The following BRINP3 variants were observed in gnomAD, a reference collection of about 807,000 sequenced individuals.
The protein encoded by BRINP3 is BMP/retinoic acid inducible neural specific 3.
A neutral mutation model predicts 71.0 loss-of-function variants in BRINP3; 19 were observed. That is an observed-to-expected ratio of 0.27 (90% CI 0.19 to 0.39). The LOEUF is 0.39. Ranked by LOEUF, BRINP3 falls within the 10% of genes least tolerant of loss-of-function variation. The pLI, the probability that BRINP3 is intolerant of heterozygous loss-of-function variation, is 1.00. For synonymous variants in BRINP3, 380 were observed against 337.7 expected, an observed-to-expected ratio of 1.13 and a Z score of -1.37; for missense variants, 959 against 940.8, an observed-to-expected ratio of 1.02 and a Z score of -0.25.
At chr1:190,125,910 A>G (rs1039512457) in intron 7 of BRINP3, among the ~76,000 whole-genome samples, 3 of 152,002 alleles carry the variant, frequency 2.0e-5, no homozygotes, top group Non-Finnish European at 4.4e-5. Context: ...GAGTTACTGT[A>G]GTGATAGCTG....
At chr1:190,253,230 A>G (rs1660314648) in intron 4 of BRINP3, among the ~76,000 whole-genome samples, 1 of 152,164 alleles carries the variant, frequency 6.6e-6, no homozygotes. Flanking sequence ...TAGGGCCTCA[A>G]TAAACACGTG....
chr1:190,194,683 C>T (rs1177892102), intron 6 of BRINP3, among the ~76,000 whole-genome samples: 2 of 151,992 alleles, frequency 1.3e-5, no homozygotes, highest in Non-Finnish European at 2.9e-5. Flanking sequence ...GGATAAGCCA[C>T]TTGAGCACCT....
rs867520463 is a variant in BRINP3 at position 190,098,756 on chromosome 1, G to A, written c.1563C>T (p.Leu521=). 1 of 1,614,186 alleles carries A rather than the reference G, an allele frequency of 6.2e-7. No homozygotes were observed. Among genetic ancestry groups the A allele is most frequent in the Non-Finnish European group, 8.5e-7 (1 of 1,180,038 alleles). The change falls in exon 8 of 8, where the codon CTC becomes CTT. Residue 521 remains leucine, a synonymous_variant. Transcript: ENST00000367462. ...HAIFISNDMR[L]NSWFDPSWRK... is the part of the protein sequence containing the mutation. ...GCCAGGAGGGATCAAACCAGCTATT[G>A]AGGCGCATGTCATTGCTGATAAAAA...
intron 5 of BRINP3, among the ~76,000 whole-genome samples, chr1:190,230,122 A>G (rs1657822102): frequency 1.3e-5 from 2 of 152,000 alleles, no homozygotes; most frequent in Admixed American, 1.3e-4. Flanking sequence ...TTTAAAAGGA[A>G]TAAAAGGGCA....
chr1:190,439,251 G>T (rs562608697), intron 2 of BRINP3, among the ~76,000 whole-genome samples: 1 of 151,866 alleles, frequency 6.6e-6, no homozygotes, highest in South Asian at 2.1e-4. Flanking sequence ...TAGGCATAAT[G>T]TTCATATGAA....
chr1:190,476,036 G>T (rs994274814), intron 1 of BRINP3: 1 of 151,800 alleles, frequency 6.6e-6, no homozygotes, highest in East Asian at 2.0e-4. Context: ...GGTGAGGGGC[G>T]CCAAGTGGTG....
intron 2 of BRINP3, among the ~76,000 whole-genome samples, chr1:190,358,647 C>A (rs1455281378): frequency 1.3e-5 from 2 of 152,082 alleles, no homozygotes; most frequent in Non-Finnish European, 2.9e-5. Flanking sequence ...TTTGACCCAG[C>A]CATCCCATTA....
At chr1:190,375,250 T>C (rs1406696456) in intron 2 of BRINP3, among the ~76,000 whole-genome samples, 1 of 151,796 alleles carries the variant, frequency 6.6e-6, no homozygotes, top group Non-Finnish European at 1.5e-5. Flanking sequence ...AAATCATACA[T>C]GTTTGTATAT....
At chr1:190,184,560 G>C (rs920534658) in intron 6 of BRINP3, among the ~76,000 whole-genome samples, 1 of 152,114 alleles carries the variant, frequency 6.6e-6, no homozygotes, top group Admixed American at 6.6e-5. Context: ...CATAAAAATA[G>C]CAAAATCATT....
chr1:190,180,286 A>G (rs184379491), intron 6 of BRINP3, among the ~76,000 whole-genome samples: 2 of 152,234 alleles, frequency 1.3e-5, no homozygotes, highest in East Asian at 1.9e-4. Flanking sequence ...CAGTTTCACA[A>G]CCTAGAGGTG....
chr1:190,253,723 G>A (rs1468625491), intron 4 of BRINP3, among the ~76,000 whole-genome samples: 6 of 152,136 alleles, frequency 3.9e-5, no homozygotes, highest in African/African-American at 1.4e-4. Flanking sequence ...CCATTCTGTA[G>A]GTTGTCTGTT....
At chr1:190,130,521 G>A (rs1263420430) in intron 7 of BRINP3, among the ~76,000 whole-genome samples, 1 of 151,938 alleles carries the variant, frequency 6.6e-6, no homozygotes, top group Non-Finnish European at 1.5e-5. Flanking sequence ...GAGTCCTTCT[G>A]CCTCCTGTCC....
At chr1:190,313,854 C>T (rs1420855771) in intron 2 of BRINP3, among the ~76,000 whole-genome samples, 1 of 151,980 alleles carries the variant, frequency 6.6e-6, no homozygotes, top group Non-Finnish European at 1.5e-5. Context: ...TTGTCCTCCT[C>T]TTATGTGGAT....
At chr1:190,168,331 A>G (rs1433343490) in intron 6 of BRINP3, among the ~76,000 whole-genome samples, 6 of 152,162 alleles carry the variant, frequency 3.9e-5, no homozygotes, top group African/African-American at 1.4e-4. Context: ...GAATCATTTC[A>G]AAGACCACAT....
chr1:190,335,597 C>G (rs986852897), intron 2 of BRINP3, among the ~76,000 whole-genome samples: 2 of 151,588 alleles, frequency 1.3e-5, no homozygotes, highest in Non-Finnish European at 1.5e-5. Context: ...AAAATCTTAA[C>G]CCCAAATGGA....
At chr1:190,312,438 C>T (rs1665599810) in intron 2 of BRINP3, among the ~76,000 whole-genome samples, 1 of 151,462 alleles carries the variant, frequency 6.6e-6, no homozygotes, top group Non-Finnish European at 1.5e-5. Context: ...CCAGTGATCT[C>T]CTAAAATATA....
chr1:190,203,834 G>A (rs1370792213), intron 6 of BRINP3, among the ~76,000 whole-genome samples: 4 of 112,016 alleles, frequency 3.6e-5, no homozygotes, highest in African/African-American at 9.7e-5. Flanking sequence ...CAAAGGGCAC[G>A]TTGGCATTTT....
At chr1:190,388,714 T>C (rs550331164) in intron 2 of BRINP3, among the ~76,000 whole-genome samples, 1 of 151,890 alleles carries the variant, frequency 6.6e-6, no homozygotes, top group Non-Finnish European at 1.5e-5. Flanking sequence ...CAGTTTGTGA[T>C]AATTTATTAC....
In BRINP3 at chr1:190,256,233, ATG is replaced by A. The variant is rs575415855; in HGVS notation, c.618+8630_618+8631del. On this transcript the variant is annotated intron_variant, in intron 4 of 7. Coordinates refer to ENST00000367462, the MANE Select transcript of BRINP3 (RefSeq NM_199051.3). ...TAAGTGCGATGTGGTGCTGAGAAGAATGTATATTCTGTTGATTTGTGGTGGAG... is the reference window on the plus strand; with the variant it reads ...TAAGTGCGATGTGGTGCTGAGAAGAATATATTCTGTTGATTTGTGGTGGAG... Among the ~76,000 whole-genome samples, 496 of 152,310 alleles carry A rather than the reference ATG, an allele frequency of 3.3e-3. 4 individuals are homozygous for A. Among genetic ancestry groups the A allele is most frequent in the African/African-American group, 0.011 (459 of 41,570 alleles).
Sources: gnomAD v4.1 joint callset for allele counts (sites outside exome capture counted in the v4.1 genomes callset) on GRCh38, gnomAD v4.1.1 for gene constraint, MANE v1.5 for transcripts, NCBI Gene and HGNC (gene_info 2026-07-23, HGNC 2026-07-21) for gene names.